CNDP1: variants seen among roughly 807,000 people sequenced by gnomAD.
CNDP1 encodes the protein carnosine dipeptidase 1.
A neutral mutation model predicts 58.1 loss-of-function variants in CNDP1; 44 were observed. That is an observed-to-expected ratio of 0.76 (90% CI 0.60 to 0.97). The LOEUF (loss-of-function observed/expected upper bound fraction) is 0.97, where lower values mean the gene tolerates loss of function less well. Ranked by LOEUF, CNDP1 falls within the 50% of genes least tolerant of loss-of-function variation. The pLI is 0.00. For missense variants in CNDP1, 616 were observed against 655.1 expected, an observed-to-expected ratio of 0.94 and a Z score of 0.65; for synonymous variants, 254 against 252.6, an observed-to-expected ratio of 1.01 and a Z score of -0.05.
intron 2 of CNDP1, 146 bp from the exon 3 acceptor site, chr18:74,559,177 G>A (rs1437762749): frequency 2.7e-6 from 2 of 737,594 alleles, no homozygotes; most frequent in Non-Finnish European, 4.6e-6. Context: ...AAATGTCACA[G>A]TGTTCACTGG....
Position 74,577,135 on chromosome 18 carries a change from T to A in CNDP1, c.1002+106T>A, listed in dbSNP as rs1599101993. ...TGGTGCTAATCTCCGTATCTTAGAA[T>A]CCAAAGCAGATGTGAATTCCCAGGC... On this transcript the variant is annotated intron_variant, in intron 8 of 11. Coordinates refer to ENST00000358821, the MANE Select transcript of CNDP1 (RefSeq NM_032649.6). 3.2e-5 allele frequency: 34 copies of A among 1,067,692 alleles called. No individual in the cohort carries two copies. The South Asian group carries it at 6.7e-4, about 21-fold the overall frequency. 66.1% of individuals were successfully genotyped at this position (1,067,692 alleles called of 1,614,324 possible). A position where few individuals can be genotyped will look rare whatever the true frequency, so the allele number is the denominator to read the frequency against.
chr18:74,585,696 A>G lies in CNDP1; in HGVS notation c.*1134A>G, dbSNP rs943465976. On this transcript the variant is annotated 3_prime_UTR_variant, in exon 12 of 12. Transcript: ENST00000358821. ...AAATTTTTTTCTATTATGACTCCAA[A>G]TAAAAACAAAGCAGAGGGCCAGGCG... The G allele has an allele frequency of 1.3e-5, 2 of 152,178 alleles. No homozygotes were observed. The highest frequency in any genetic ancestry group is 2.9e-5 in the Non-Finnish European group (2 of 68,042). 9.4% of individuals were successfully genotyped at this position (152,178 alleles called of 1,614,324 possible). A position where few individuals can be genotyped will look rare whatever the true frequency, so the allele number is the denominator to read the frequency against.
At chr18:74,543,791 C>T (rs1980688724) in intron 1 of CNDP1, among the ~76,000 whole-genome samples, 1 of 152,060 alleles carries the variant, frequency 6.6e-6, no homozygotes, top group Non-Finnish European at 1.5e-5. Flanking sequence ...TAGAAGAAAA[C>T]AGAGGAAATG....
At chr18:74,576,729 C>A in intron 7 of CNDP1, 140 bp from the exon 8 acceptor site, 1 of 617,036 alleles carries the variant, frequency 1.6e-6, no homozygotes, top group African/African-American at 1.9e-5. Flanking sequence ...GGAGTTGCTG[C>A]CAATGGCTTT....
chr18:74,568,386 T>C (rs554223787), intron 6 of CNDP1, among the ~76,000 whole-genome samples: 15 of 152,242 alleles, frequency 9.9e-5, no homozygotes, highest in Admixed American at 4.6e-4. Context: ...ACACAGATAC[T>C]AAAGAGATGT....
intron 1 of CNDP1, among the ~76,000 whole-genome samples, chr18:74,537,743 A>G (rs1234699664): frequency 6.6e-6 from 1 of 152,200 alleles, no homozygotes; most frequent in Non-Finnish European, 1.5e-5. Flanking sequence ...CACTCCGGGC[A>G]AAGAGTGGTA....
chr18:74,578,098 C>T (rs190676024), intron 8 of CNDP1, 65 bp from the exon 9 acceptor site: 1 of 1,480,756 alleles, frequency 6.8e-7, no homozygotes, highest in South Asian at 1.3e-5. Context: ...AGGGTGGTAA[C>T]ACAAGCAACC....
At chr18:74,552,956 CT>C (rs1363343383) in intron 1 of CNDP1, among the ~76,000 whole-genome samples, 1 of 152,182 alleles carries the variant, frequency 6.6e-6, no homozygotes, top group African/African-American at 2.4e-5. Flanking sequence ...TAGTGTCTGG[CT>C]TTTTAATTCT....
At chr18:74,541,981 C>T (rs1038383094) in intron 1 of CNDP1, among the ~76,000 whole-genome samples, 3 of 152,230 alleles carry the variant, frequency 2.0e-5, no homozygotes, top group African/African-American at 4.8e-5. Flanking sequence ...AAGGCACGCA[C>T]AGATGGAACT....
At position 74,584,280 on chromosome 18, in the gene CNDP1, T is replaced by A. The variant is rs190038180; in HGVS notation, c.1458-216T>A. On this transcript the variant is annotated intron_variant, in intron 11 of 11. Transcript: ENST00000358821. The stretch of plus-strand genomic sequence containing the variant: ...ATCAAGGAAAATTCACTTTTGGATT[T>A]GAGTCTAGGACTGATTCTCATCTTC... 28 of 531,372 alleles carry A rather than the reference T, an allele frequency of 5.3e-5. No homozygotes were observed. In the Admixed American group the frequency reaches 8.5e-4, roughly 16 times the overall value. The allele number at this position is 531,372 out of a possible 1,614,324, so 32.9% of individuals were successfully genotyped here. A position where few individuals can be genotyped will look rare whatever the true frequency, so the allele number is the denominator to read the frequency against.
In CNDP1 at chr18:74,562,082, G is replaced by A. The variant is rs1470181290; in HGVS notation, c.502G>A (p.Gly168Ser). Residue 168 changes from glycine to serine, a missense_variant, in exon 5 of 12, where the codon GGC becomes AGC. Transcript: ENST00000358821. ...LYGRGATDNKGPVLAWINAVS... is the reference protein window; with the variant it reads ...LYGRGATDNKSPVLAWINAVS... ...TGGACGAGGAGCGACCGACAACAAA[G>A]GCCCTGTCTTGGCTTGGATCAATGC... The A allele has an allele frequency of 6.2e-7, 1 of 1,614,130 alleles. No individual in the cohort carries two copies. The highest frequency in any genetic ancestry group is 1.7e-5 in the Admixed American group (1 of 60,018).
At chr18:74,537,062 T>C (rs1980502676) in intron 1 of CNDP1, among the ~76,000 whole-genome samples, 1 of 152,212 alleles carries the variant, frequency 6.6e-6, no homozygotes, top group Non-Finnish European at 1.5e-5. Context: ...AGTTTGCAAA[T>C]ATTTTCTCCT....
intron 10 of CNDP1, among the ~76,000 whole-genome samples, chr18:74,582,087 C>G (rs1019688947): frequency 2.6e-5 from 4 of 152,192 alleles, no homozygotes; most frequent in African/African-American, 9.7e-5. Context: ...GGTATTTCGC[C>G]AGTAAACTTT....
Position 74,584,750 on chromosome 18 carries a change from G to C in CNDP1, c.*188G>C. 1 of 570,540 alleles carries C rather than the reference G, an allele frequency of 1.8e-6. No homozygotes were observed. Among genetic ancestry groups the C allele is most frequent in the South Asian group, 2.3e-5 (1 of 43,336 alleles). 35.3% of individuals were successfully genotyped at this position (570,540 alleles called of 1,614,324 possible). ...TTCAAAGGCACAGATGTTGGAAATGGTTTAAGGTCCCCCACTGCACACCTT... is the reference window on the plus strand; with the variant it reads ...TTCAAAGGCACAGATGTTGGAAATGCTTTAAGGTCCCCCACTGCACACCTT... On this transcript the variant is annotated 3_prime_UTR_variant, in exon 12 of 12. Coordinates refer to ENST00000358821, the MANE Select transcript of CNDP1 (RefSeq NM_032649.6).
At chr18:74,567,103 T>C in intron 5 of CNDP1, 130 bp from the exon 6 acceptor site, 1 of 706,502 alleles carries the variant, frequency 1.4e-6, no homozygotes, top group Non-Finnish European at 2.5e-6. Flanking sequence ...CATGATTCAA[T>C]TACCTCCCCC....
intron 7 of CNDP1, among the ~76,000 whole-genome samples, chr18:74,573,433 T>C (rs62097572): frequency 0.14 from 20,006 of 141,404 alleles, 1,501 homozygotes; most frequent in African/African-American, 0.18. Flanking sequence ...TCCATCCAAC[T>C]ATCTATCTAT....
In CNDP1 at chr18:74,545,700, A is replaced by C. The variant is rs1980741858; in HGVS notation, c.25-10638A>C. On this transcript the variant is annotated intron_variant, in intron 1 of 11. Transcript: ENST00000358821. This position sits in a 1 kb window ranked among gnomAD's most constrained non-coding sequence, Gnocchi z 4.1. ...TCTGCGGCCGGAACATCTTAATTTC[A>C]CGTGCTGCCCCCTGAGATTGTACAG... 6.6e-6 allele frequency among the ~76,000 whole-genome samples: 1 copy of C among 151,844 alleles called. No homozygotes were observed. Among genetic ancestry groups the C allele is most frequent in the Non-Finnish European group, 1.5e-5 (1 of 67,966 alleles).
chr18:74,560,156 C>G (rs1214696829), intron 3 of CNDP1, among the ~76,000 whole-genome samples: 1 of 152,066 alleles, frequency 6.6e-6, no homozygotes, highest in Non-Finnish European at 1.5e-5. Flanking sequence ...GCTGGGATTT[C>G]AGGCGTGCAC....
chr18:74,561,093 C>G, intron 4 of CNDP1, 75 bp downstream of exon 4: 1 of 1,550,578 alleles, frequency 6.4e-7, no homozygotes, highest in East Asian at 2.3e-5. Flanking sequence ...GAGGCTCTGT[C>G]CCTGGGTTTT....
Sources: allele counts gnomAD v4.1 joint callset (sites outside exome capture counted in the v4.1 genomes callset), GRCh38; gene constraint gnomAD v4.1.1; non-coding constraint Gnocchi (gnomAD v3.1); transcripts MANE v1.5; gene names NCBI Gene and HGNC (gene_info 2026-07-23, HGNC 2026-07-21).